ADAMTS3: variants seen among roughly 807,000 people sequenced by gnomAD.
ADAMTS3 encodes A disintegrin and metalloproteinase with thrombospondin motifs 3.
A neutral mutation model predicts 129.0 loss-of-function variants in ADAMTS3; 73 were observed. That is an observed-to-expected ratio of 0.57 (90% confidence interval 0.47 to 0.69). The LOEUF (loss-of-function observed/expected upper bound fraction) is 0.69. Ranked by LOEUF, ADAMTS3 falls within the 30% of genes least tolerant of loss-of-function variation. The pLI, the probability that ADAMTS3 is intolerant of heterozygous loss-of-function variation, is 0.00. For synonymous variants in ADAMTS3, 477 were observed against 510.8 expected (o/e 0.93, Z 0.89); for missense variants, 1,457 against 1,514.5 (o/e 0.96, Z 0.63).
At chr4:72,303,566 A>G (rs1298160088) in intron 17 of ADAMTS3, among the ~76,000 whole-genome samples, 1 of 152,024 alleles carries the variant, frequency 6.6e-6, no homozygotes, top group Non-Finnish European at 1.5e-5. Context: ...TTGAAGGTAA[A>G]TGATACTAGA....
chr4:72,426,863 C>A (rs1228297109), intron 3 of ADAMTS3, among the ~76,000 whole-genome samples: 1 of 152,032 alleles, frequency 6.6e-6, no homozygotes. Flanking sequence ...CACTGCACAC[C>A]AGTCTGGGCA....
intron 3 of ADAMTS3, among the ~76,000 whole-genome samples, chr4:72,479,405 C>G (rs1276906437): frequency 1.3e-5 from 2 of 152,178 alleles, no homozygotes; most frequent in African/African-American, 2.4e-5. Flanking sequence ...CTACAACTAT[C>G]TGATCTTTGA....
chr4:72,366,461 T>C (rs1044080405), intron 4 of ADAMTS3, among the ~76,000 whole-genome samples: 2 of 152,174 alleles, frequency 1.3e-5, no homozygotes, highest in Non-Finnish European at 2.9e-5. Flanking sequence ...AAAGAGCATA[T>C]CCAGATTTAT....
intron 16 of ADAMTS3, among the ~76,000 whole-genome samples, chr4:72,304,865 A>G (rs993113218): frequency 6.6e-6 from 1 of 152,034 alleles, no homozygotes; most frequent in Non-Finnish European, 1.5e-5. Context: ...TTGGGCTTTA[A>G]ACTGGTCTAT....
At chr4:72,499,430 T>C (rs1284567777) in intron 3 of ADAMTS3, among the ~76,000 whole-genome samples, 3 of 152,126 alleles carry the variant, frequency 2.0e-5, no homozygotes, top group East Asian at 1.9e-4. Context: ...AGATTATTTA[T>C]ACAAGTCAAT....
intron 4 of ADAMTS3, among the ~76,000 whole-genome samples, chr4:72,395,983 C>A (rs757060633): frequency 6.6e-6 from 1 of 152,068 alleles, no homozygotes; most frequent in Admixed American, 6.5e-5. Flanking sequence ...AGGCTCTGAA[C>A]GAAAGTGGAA....
At chr4:72,341,910 C>T (rs946219787) in intron 4 of ADAMTS3, among the ~76,000 whole-genome samples, 1 of 152,156 alleles carries the variant, frequency 6.6e-6, no homozygotes, top group Non-Finnish European at 1.5e-5. Context: ...TCCTAAAATG[C>T]ACAATATCAA....
intron 3 of ADAMTS3, among the ~76,000 whole-genome samples, chr4:72,515,660 T>C (rs1198160965): frequency 3.9e-5 from 6 of 152,042 alleles, no homozygotes; most frequent in Non-Finnish European, 5.9e-5. Context: ...GTTCATGTCC[T>C]TCGCCCACTT....
At chr4:72,382,448 G>C (rs1296041552) in intron 4 of ADAMTS3, among the ~76,000 whole-genome samples, 1 of 151,956 alleles carries the variant, frequency 6.6e-6, no homozygotes, top group Non-Finnish European at 1.5e-5. Flanking sequence ...TGTAAATTTG[G>C]TCAACCCCCA....
At chr4:72,538,106 T>G (rs1322284367) in intron 3 of ADAMTS3, among the ~76,000 whole-genome samples, 1 of 151,978 alleles carries the variant, frequency 6.6e-6, no homozygotes, top group Non-Finnish European at 1.5e-5. Flanking sequence ...GAAAAAAGAT[T>G]GAAGAAAAGT....
At chr4:72,512,802 T>C (rs1202720357) in intron 3 of ADAMTS3, among the ~76,000 whole-genome samples, 1 of 152,218 alleles carries the variant, frequency 6.6e-6, no homozygotes, top group African/African-American at 2.4e-5. Flanking sequence ...ATTCATTTTT[T>C]CTAAGAGCAT....
chr4:72,372,127 G>A (rs2109868179), intron 4 of ADAMTS3, among the ~76,000 whole-genome samples: 1 of 152,188 alleles, frequency 6.6e-6, no homozygotes, highest in Non-Finnish European at 1.5e-5. Context: ...GAGAGAAAAG[G>A]TATAGCCTCT....
intron 14 of ADAMTS3, among the ~76,000 whole-genome samples, chr4:72,309,913 C>T (rs1292161613): frequency 6.6e-6 from 1 of 152,002 alleles, no homozygotes; most frequent in African/African-American, 2.4e-5. Flanking sequence ...TTAGTGCAAT[C>T]TTTAAAAGAT....
chr4:72,334,521 C>A (rs80066821), intron 5 of ADAMTS3, among the ~76,000 whole-genome samples: 3,655 of 152,178 alleles, frequency 0.024, 150 homozygotes, highest in African/African-American at 0.084. Flanking sequence ...TGGACCAGGT[C>A]AGGAAATTAA....
At chr4:72,364,284 T>C (rs1025688826) in intron 4 of ADAMTS3, among the ~76,000 whole-genome samples, 14 of 152,222 alleles carry the variant, frequency 9.2e-5, no homozygotes, top group Admixed American at 2.0e-4. Flanking sequence ...TCTTTTTGTT[T>C]ACTTTTCCAA....
At chr4:72,426,823 G>A (rs1722586365) in intron 3 of ADAMTS3, among the ~76,000 whole-genome samples, 1 of 152,054 alleles carries the variant, frequency 6.6e-6, no homozygotes, top group South Asian at 2.1e-4. Context: ...GAACCCTGGA[G>A]GTCAAGACTG....
chr4:72,283,641 G>C lies in ADAMTS3; in HGVS notation c.3113C>G (p.Ser1038Cys). 6.2e-7 allele frequency: 1 copy of C among 1,613,652 alleles called. No homozygotes were observed. ...CQMEVLARYC[S>C]IPGYNKLCCE... ...ACATAACTTGTTATAACCTGGTATG[G>C]AGCAGTATCGTGCCAACACTTCCAT... The change falls in exon 22 of 22, where the codon TCC becomes TGC. Residue 1038 changes from serine to cysteine, a missense_variant. Transcript: ENST00000286657.
At chr4:72,429,505 A>G (rs1722646405) in intron 3 of ADAMTS3, among the ~76,000 whole-genome samples, 1 of 152,018 alleles carries the variant, frequency 6.6e-6, no homozygotes, top group Non-Finnish European at 1.5e-5. Flanking sequence ...AAATAACCTA[A>G]CTTTTTGATC....
At chr4:72,443,465 C>G (rs1379310304) in intron 3 of ADAMTS3, among the ~76,000 whole-genome samples, 2 of 151,684 alleles carry the variant, frequency 1.3e-5, no homozygotes, top group Non-Finnish European at 3.0e-5. Flanking sequence ...AGACAATTAC[C>G]TGATTGAGAG....
Sources: gnomAD v4.1 joint callset for allele counts (sites outside exome capture counted in the v4.1 genomes callset) on GRCh38, gnomAD v4.1.1 for gene constraint, MANE v1.5 for transcripts, NCBI Gene and HGNC (gene_info 2026-07-23, HGNC 2026-07-21) for gene names.